Variants in ADCY1 observed in about 807,000 individuals in gnomAD.
ADCY1 encodes the protein adenylate cyclase 1, also known as adenylate cyclase type 1.
Under a neutral mutation model 105.4 loss-of-function variants are expected in ADCY1, and 28 were observed. The ratio of observed to expected loss-of-function variants is 0.27; its 90% CI spans 0.20 to 0.36. The LOEUF is 0.36. ADCY1 is among the 10% of genes least tolerant of loss of function. The probability of loss-of-function intolerance (pLI) is 1.00; values close to 1 mark genes in which losing one functional copy is unlikely to be tolerated. For missense variants in ADCY1, 977 were observed against 1,434.2 expected (o/e 0.68, Z 5.15); for synonymous variants, 655 against 623.8 (o/e 1.05, Z -0.75).
chr7:45,686,824 C>G lies in ADCY1; in HGVS notation c.2454+151C>G, dbSNP rs1469730344. On this transcript the variant is annotated intron_variant, in intron 14 of 19. Coordinates refer to ENST00000297323, the MANE Select transcript of ADCY1 (RefSeq NM_021116.4). The surrounding 1 kb of genome is among the most constrained non-coding windows in gnomAD (Gnocchi z 4.3). ...AGCAGCATGCAAGCCAGGCACTGTC[C>G]GGGGATGGAGGAGACCTATGCTGGG... 8.1e-7 allele frequency: 1 copy of G among 1,227,158 alleles called. No individual in the cohort carries two copies. The highest frequency in any genetic ancestry group is 1.5e-5 in the African/African-American group (1 of 65,768). 76.0% of individuals were successfully genotyped at this position (1,227,158 alleles called of 1,614,324 possible).
In ADCY1 at chr7:45,662,833, G is replaced by A. The variant is rs138002002; in HGVS notation, c.1605+619G>A. On this transcript the variant is annotated intron_variant, in intron 8 of 19. Coordinates refer to ENST00000297323, the MANE Select transcript of ADCY1 (RefSeq NM_021116.4). ...CGGACCCCAGGCTTCCCAGCTTTGC[G>A]TCAGGTGCTGTGGGCAGGGCGAGCC... 8.0e-3 allele frequency among the ~76,000 whole-genome samples: 1,224 copies of A among 152,280 alleles called. 19 individuals are homozygous for A. The highest frequency in any genetic ancestry group is 7.1e-3 in the Non-Finnish European group (481 of 68,026).
At chr7:45,684,615 G>A (rs1784630068) in intron 11 of ADCY1, 1 of 162,904 alleles carries the variant, frequency 6.1e-6, no homozygotes, top group Admixed American at 6.1e-5. Context: ...TATCAAAGAA[G>A]ACACAAATGA....
rs185780147 is a variant in ADCY1 at position 45,661,379 on chromosome 7, G to C, written c.1450-680G>C. 2.4e-4 allele frequency among the ~76,000 whole-genome samples: 37 copies of C among 152,222 alleles called. 2 individuals are homozygous for C. The highest frequency in any genetic ancestry group is 2.4e-3 in the Admixed American group (37 of 15,298). On this transcript the variant is annotated intron_variant, in intron 7 of 19. Coordinates refer to ENST00000297323, the MANE Select transcript of ADCY1 (RefSeq NM_021116.4). ...TTGAGAGGTAGGCAGCGAGGCCAAG[G>C]AAGGGGTACCGCATTCCTGGAGAGG...
chr7:45,704,607 G>C lies in ADCY1; in HGVS notation c.2808G>C (p.Ser936=). Residue 936 remains serine, a synonymous_variant, in exon 17 of 20, where the codon TCG becomes TCC. Transcript: ENST00000297323. ...YMAAVGLAPT[S]GTKAKKSISS... is the part of the protein sequence containing the mutation. The stretch of plus-strand genomic sequence containing the variant: ...CCGCTGTGGGGCTAGCGCCCACCTC[G>C]GGGACCAAGGTGAGTGCAGCCTGGC... 2 of 1,613,960 alleles carry C rather than the reference G, an allele frequency of 1.2e-6. No homozygotes were observed. The highest frequency in any genetic ancestry group is 1.1e-5 in the South Asian group (1 of 91,058).
chr7:45,710,450 C>T lies in ADCY1; in HGVS notation c.2933-78C>T. 2 of 1,558,498 alleles carry T rather than the reference C, an allele frequency of 1.3e-6. No homozygotes were observed. The highest frequency in any genetic ancestry group is 1.2e-5 in the South Asian group (1 of 82,266). Reference sequence around the variant, plus strand: ...GCCTTTTCTCCACCAGGAGCAGCATCAGGTGCATTTGGTGGCCCTGGTGGG... The same window carrying T: ...GCCTTTTCTCCACCAGGAGCAGCATTAGGTGCATTTGGTGGCCCTGGTGGG... On this transcript the variant is annotated intron_variant, in intron 18 of 19. Coordinates refer to ENST00000297323, the MANE Select transcript of ADCY1 (RefSeq NM_021116.4). The surrounding 1 kb of genome is among the most constrained non-coding windows in gnomAD (Gnocchi z 4.7).
At chr7:45,679,446 C>T (rs541840122) in intron 10 of ADCY1, among the ~76,000 whole-genome samples, 6 of 152,248 alleles carry the variant, frequency 3.9e-5, no homozygotes, top group Non-Finnish European at 7.3e-5. Flanking sequence ...TAAGCTAGAT[C>T]TCTGCGGTGG....
intron 14 of ADCY1, among the ~76,000 whole-genome samples, chr7:45,696,599 G>T (rs1784887166): frequency 6.6e-6 from 1 of 152,190 alleles, no homozygotes; most frequent in Admixed American, 6.5e-5. Context: ...AAGGGAGCTT[G>T]TGCTGGCAAC....
intron 1 of ADCY1, among the ~76,000 whole-genome samples, chr7:45,583,954 T>G (rs1313155076): frequency 2.0e-5 from 3 of 146,344 alleles, no homozygotes; most frequent in African/African-American, 7.7e-5. Context: ...TTTTTTTTTT[T>G]TTTTTTTTTT....
chr7:45,687,842 C>T (rs1490552616), intron 14 of ADCY1, among the ~76,000 whole-genome samples: 1 of 152,192 alleles, frequency 6.6e-6, no homozygotes, highest in Non-Finnish European at 1.5e-5. Context: ...GTGGAGAGAG[C>T]TGTGTCTGGG....
intron 4 of ADCY1, among the ~76,000 whole-genome samples, chr7:45,642,233 G>A (rs1450364671): frequency 6.6e-6 from 1 of 152,126 alleles, no homozygotes; most frequent in Non-Finnish European, 1.5e-5. Context: ...AAGGGGTGGG[G>A]CAGGTTAAGC....
In ADCY1 at chr7:45,708,199, T is replaced by C; in HGVS notation, c.2818-151T>C. ...ATACCCTGCCTCTCTCTTAGTCTCCTACCTGTAGAATGGAATGATAAATGT... is the reference window on the plus strand; with the variant it reads ...ATACCCTGCCTCTCTCTTAGTCTCCCACCTGTAGAATGGAATGATAAATGT... On this transcript the variant is annotated intron_variant, in intron 17 of 19. Transcript: ENST00000297323. This position sits in a 1 kb window ranked among gnomAD's most constrained non-coding sequence, Gnocchi z 4.7. 3.3e-6 allele frequency: 2 copies of C among 606,052 alleles called. No homozygotes were observed. Among genetic ancestry groups the C allele is most frequent in the Non-Finnish European group, 6.0e-6 (2 of 333,820 alleles). 37.5% of individuals were successfully genotyped at this position (606,052 alleles called of 1,614,324 possible).
At chr7:45,643,569 TTCTC>T (rs1396222213) in intron 4 of ADCY1, among the ~76,000 whole-genome samples, 2 of 152,224 alleles carry the variant, frequency 1.3e-5, no homozygotes, top group Non-Finnish European at 2.9e-5. Context: ...GAAATAATTC[TTCTC>T]TCTGTGGTCA....
intron 3 of ADCY1, among the ~76,000 whole-genome samples, chr7:45,616,351 CA>C (rs1284659846): frequency 6.6e-6 from 1 of 152,078 alleles, no homozygotes; most frequent in Non-Finnish European, 1.5e-5. Flanking sequence ...TAAAGGCAAA[CA>C]AGAACACTAC....
chr7:45,713,142 T>C (rs1259571715), intron 19 of ADCY1, among the ~76,000 whole-genome samples: 1 of 152,154 alleles, frequency 6.6e-6, no homozygotes, highest in Non-Finnish European at 1.5e-5. Flanking sequence ...GCCCCCTACA[T>C]TCTGTATGCC....
chr7:45,632,456 G>A (rs894200090), intron 4 of ADCY1, among the ~76,000 whole-genome samples: 5 of 151,326 alleles, frequency 3.3e-5, no homozygotes, highest in Non-Finnish European at 4.4e-5. Context: ...CACGAACACT[G>A]TATGTTTATT....
chr7:45,711,918 A>ATAAATATAT (rs1554333319), intron 19 of ADCY1, among the ~76,000 whole-genome samples: 5 of 109,760 alleles, frequency 4.6e-5, no homozygotes, highest in Admixed American at 2.2e-4. Context: ...ATATAAATAT[A>ATAAATATAT]TTATATATTA....
chr7:45,664,450 G>C lies in ADCY1; in HGVS notation c.1605+2236G>C, dbSNP rs979603824. 4 of 1,529,934 alleles carry C rather than the reference G, an allele frequency of 2.6e-6. No homozygotes were observed. In the Admixed American group the frequency reaches 7.9e-5, roughly 30 times the overall value. The allele number at this position is 1,529,934 out of a possible 1,614,324, so 94.8% of individuals were successfully genotyped here. On this transcript the variant is annotated intron_variant, in intron 8 of 19. Coordinates refer to ENST00000297323, the MANE Select transcript of ADCY1 (RefSeq NM_021116.4). ...TCCTGCCATCAGCCCTTATCCCCCA[G>C]GGCATTCACGCCAGCTCTGTTCTTC...
intron 3 of ADCY1, 140 bp downstream of exon 3, chr7:45,610,637 G>A (rs1322873070): frequency 2.8e-6 from 2 of 726,030 alleles, no homozygotes; most frequent in Non-Finnish European, 4.8e-6. Flanking sequence ...GGAGGTAATG[G>A]TGAAGGTGGG....
intron 3 of ADCY1, 50 bp downstream of exon 3, chr7:45,610,547 G>GT: frequency 6.6e-7 from 1 of 1,520,496 alleles, no homozygotes; most frequent in Non-Finnish European, 9.1e-7. Flanking sequence ...AAGCTGAGGT[G>GT]TGGAGATAAT....
Sources: gnomAD v4.1 joint callset for allele counts (sites outside exome capture counted in the v4.1 genomes callset) on GRCh38, gnomAD v4.1.1 for gene constraint, Gnocchi (gnomAD v3.1) non-coding constraint, MANE v1.5 for transcripts, NCBI Gene and HGNC (gene_info 2026-07-23, HGNC 2026-07-21) for gene names.